Variants in FAM81B observed in about 807,000 individuals in gnomAD.
FAM81B encodes the protein protein FAM81B.
In FAM81B, 60 loss-of-function variants were observed where a neutral mutation model predicts 58.7. That is an observed-to-expected ratio of 1.02 (90% CI 0.83 to 1.27). The LOEUF (loss-of-function observed/expected upper bound fraction) is 1.27, where lower values mean the gene tolerates loss of function less well. Among genes scored for constraint, FAM81B ranks in the 50% most tolerant of loss-of-function variants. The pLI, the probability that FAM81B is intolerant of heterozygous loss-of-function variation, is 0.00. For missense variants in FAM81B, 491 were observed against 522.0 expected (o/e 0.94, Z 0.58); for synonymous variants, 189 against 179.6 (o/e 1.05, Z -0.42).
chr5:95,405,206 A>G (rs952911295), intron 3 of FAM81B, among the ~76,000 whole-genome samples: 1 of 152,234 alleles, frequency 6.6e-6, no homozygotes, highest in Non-Finnish European at 1.5e-5. Context: ...TCACATGACT[A>G]GCATTAATGT....
chr5:95,398,309 C>T (rs1445588916), intron 3 of FAM81B, among the ~76,000 whole-genome samples: 1 of 152,008 alleles, frequency 6.6e-6, no homozygotes, highest in African/African-American at 2.4e-5. Context: ...ATCCCAGCTA[C>T]TCGAGAGGCT....
chr5:95,411,386 CAT>C (rs3042107), intron 3 of FAM81B, among the ~76,000 whole-genome samples: 35,319 of 151,918 alleles, frequency 0.23, 4,390 homozygotes, highest in Middle Eastern at 0.29. Flanking sequence ...ATTTTAGAAA[CAT>C]ATAAAAACAT....
chr5:95,421,258 G>C (rs1762673879), intron 5 of FAM81B, among the ~76,000 whole-genome samples: 1 of 152,150 alleles, frequency 6.6e-6, no homozygotes, highest in Non-Finnish European at 1.5e-5. Flanking sequence ...AAAAGTCTGG[G>C]ATGCTATGGA....
chr5:95,425,935 C>T (rs2152766254), intron 5 of FAM81B, among the ~76,000 whole-genome samples: 1 of 151,404 alleles, frequency 6.6e-6, no homozygotes, highest in Admixed American at 6.6e-5. Flanking sequence ...AAATCTCTCT[C>T]ATAGTGAAGA....
intron 3 of FAM81B, among the ~76,000 whole-genome samples, chr5:95,401,102 C>A (rs1424932993): frequency 6.6e-6 from 1 of 152,154 alleles, no homozygotes; most frequent in Non-Finnish European, 1.5e-5. Context: ...TGTTTGGAAC[C>A]TTTGTCAACC....
Position 95,426,125 on chromosome 5 carries a change from T to TATAC in FAM81B, c.657-2477_657-2476insTACA, listed in dbSNP as rs781083080. ...ATATATATATATATATATATATATG[T>TATAC]ACACATATATTTTAAGTATATATGT... On this transcript the variant is annotated intron_variant, in intron 5 of 9. Transcript: ENST00000283357. Among the ~76,000 whole-genome samples, 324 of 94,250 alleles carry TATAC rather than the reference T, an allele frequency of 3.4e-3. 4 individuals are homozygous for TATAC. The highest frequency in any genetic ancestry group is 2.0e-3 in the Non-Finnish European group (88 of 44,990). 61.8% of individuals were successfully genotyped at this position (94,250 alleles called of 152,430 possible).
intron 5 of FAM81B, among the ~76,000 whole-genome samples, chr5:95,421,762 T>G (rs911585022): frequency 2.0e-5 from 3 of 152,088 alleles, no homozygotes; most frequent in Admixed American, 6.6e-5. Flanking sequence ...GCACTAGCCA[T>G]GAAAGCCCAG....
intron 3 of FAM81B, among the ~76,000 whole-genome samples, chr5:95,401,343 G>A (rs1762108698): frequency 6.6e-6 from 1 of 152,040 alleles, no homozygotes; most frequent in African/African-American, 2.4e-5. Context: ...TGTTGGCCTG[G>A]TGTACTTCCT....
At position 95,450,357 on chromosome 5, in the gene FAM81B, T is replaced by C. The variant is rs765297970; in HGVS notation, c.*75T>C. ...AAAAAGTTCTGAAGAAGAAAGTTAC[T>C]ATCTCTGGGATGTTTACTGCTTCTA... is the stretch of plus-strand genomic sequence containing the variant. On this transcript the variant is annotated 3_prime_UTR_variant, in exon 10 of 10. Transcript: ENST00000283357. 1.3e-6 allele frequency: 2 copies of C among 1,583,742 alleles called. No homozygotes were observed. Among genetic ancestry groups the C allele is most frequent in the Admixed American group, 3.8e-5 (2 of 52,864 alleles).
chr5:95,426,104 ATATATATATATATATATATG>A (rs1382862777), intron 5 of FAM81B, among the ~76,000 whole-genome samples: 3 of 131,846 alleles, frequency 2.3e-5, no homozygotes, highest in Non-Finnish European at 3.2e-5. Flanking sequence ...GTATATATAT[ATATATATATATATATATATG>A]TACACATATA....
intron 3 of FAM81B, among the ~76,000 whole-genome samples, chr5:95,405,412 T>C (rs1762218720): frequency 6.6e-6 from 1 of 152,236 alleles, no homozygotes; most frequent in Non-Finnish European, 1.5e-5. Context: ...GTTATATTTA[T>C]CCTACCTTTT....
chr5:95,421,653 C>G (rs1762688317), intron 5 of FAM81B, among the ~76,000 whole-genome samples: 1 of 145,654 alleles, frequency 6.9e-6, no homozygotes, highest in African/African-American at 2.5e-5. Context: ...TTGTGACATT[C>G]TAGTTGCAGT....
intron 2 of FAM81B, 123 bp downstream of exon 2, chr5:95,393,020 C>G (rs901651591): frequency 6.8e-6 from 6 of 884,056 alleles, no homozygotes; most frequent in Non-Finnish European, 8.1e-6. Flanking sequence ...CCTGTTTGTT[C>G]TGTCTTGGCA....
chr5:95,440,992 C>G (rs1745320195), intron 7 of FAM81B, among the ~76,000 whole-genome samples: 1 of 152,128 alleles, frequency 6.6e-6, no homozygotes, highest in Admixed American at 6.6e-5. Context: ...CACCTACTCG[C>G]AGGTGTCTTG....
At chr5:95,392,730 T>G in intron 1 of FAM81B, 64 bp from the exon 2 acceptor site, 2 of 1,387,640 alleles carry the variant, frequency 1.4e-6, no homozygotes, top group Non-Finnish European at 9.9e-7. Flanking sequence ...AAAAAAAAAT[T>G]AGCAGCACTG....
chr5:95,446,000 C>A (rs1745542130), intron 7 of FAM81B, among the ~76,000 whole-genome samples: 3 of 152,192 alleles, frequency 2.0e-5, no homozygotes, highest in Non-Finnish European at 1.5e-5. Context: ...AGTTCTATTT[C>A]ATAACATGTG....
At position 95,405,051 on chromosome 5, in the gene FAM81B, G is replaced by A. The variant is rs114750577; in HGVS notation, c.293+8876G>A. Among the ~76,000 whole-genome samples the A allele has an allele frequency of 5.1e-3, 777 of 152,298 alleles. 12 individuals carry two copies. The highest frequency in any genetic ancestry group is 0.018 in the African/African-American group (743 of 41,560). ...CTTTAGAAAGACCACTCTAGCTGCT[G>A]TATGGAGGATGTGCTATTTGTTAGG... On this transcript the variant is annotated intron_variant, in intron 3 of 9. Transcript: ENST00000283357.
chr5:95,412,602 C>A (rs1290370936), intron 3 of FAM81B, among the ~76,000 whole-genome samples: 3 of 152,102 alleles, frequency 2.0e-5, no homozygotes, highest in Admixed American at 2.0e-4. Flanking sequence ...ATGACAAAAA[C>A]AAATTTTATT....
At chr5:95,418,627 A>G (rs558990814) in intron 4 of FAM81B, among the ~76,000 whole-genome samples, 1 of 152,228 alleles carries the variant, frequency 6.6e-6, no homozygotes, top group South Asian at 2.1e-4. Context: ...GTATGTATGT[A>G]TAGGGAGAAA....
Sources: gnomAD v4.1 joint callset for allele counts (sites outside exome capture counted in the v4.1 genomes callset) on GRCh38, gnomAD v4.1.1 for gene constraint, MANE v1.5 for transcripts, NCBI Gene and HGNC (gene_info 2026-07-23, HGNC 2026-07-21) for gene names.